Variants in ZNF821 observed in about 807,000 individuals in gnomAD.
ZNF821 encodes the protein zinc finger protein 821.
Under a neutral mutation model 44.3 loss-of-function variants are expected in ZNF821, and 16 were observed. The observed-to-expected ratio is 0.36, with a 90% CI of 0.24 to 0.55. ZNF821 has a LOEUF of 0.55. Ranked by LOEUF, ZNF821 falls within the 20% of genes least tolerant of loss-of-function variation. The pLI is 0.86. For missense variants in ZNF821, 436 were observed against 547.6 expected (o/e 0.80, Z 2.03); for synonymous variants, 204 against 197.6 (o/e 1.03, Z -0.27).
chr16:71,871,619 C>T (rs1409802842), intron 3 of ZNF821, among the ~76,000 whole-genome samples: 4 of 152,022 alleles, frequency 2.6e-5, no homozygotes, highest in African/African-American at 9.7e-5. Flanking sequence ...TTATTATTCC[C>T]TTCTGTCTTG....
At chr16:71,892,555 A>G (rs1057038480) in intron 1 of ZNF821, among the ~76,000 whole-genome samples, 1 of 144,636 alleles carries the variant, frequency 6.9e-6, no homozygotes, top group East Asian at 2.0e-4. Flanking sequence ...GGTGTGAACC[A>G]CCGTGCCCGG....
chr16:71,893,540 A>ACCT (rs2036905378), intron 1 of ZNF821, among the ~76,000 whole-genome samples: 3 of 146,918 alleles, frequency 2.0e-5, no homozygotes, highest in Admixed American at 6.8e-5. Context: ...CATCACTGCA[A>ACCT]CCTCCGCCTC....
chr16:71,865,118 G>C (rs2034384245), intron 4 of ZNF821, 70 bp from the exon 5 acceptor site: 2 of 1,579,270 alleles, frequency 1.3e-6, no homozygotes, highest in Admixed American at 1.7e-5. Context: ...CTCCACCCTA[G>C]AGTTGGCAGT....
At chr16:71,864,319 T>C in intron 5 of ZNF821, 77 bp from the exon 6 acceptor site, 6 of 1,332,218 alleles carry the variant, frequency 4.5e-6, no homozygotes, top group Non-Finnish European at 6.5e-6. Context: ...AAACAGGGTA[T>C]CCTGTTAAAA....
chr16:71,865,563 C>T (rs967339500), intron 4 of ZNF821, among the ~76,000 whole-genome samples: 1 of 152,152 alleles, frequency 6.6e-6, no homozygotes, highest in Non-Finnish European at 1.5e-5. Context: ...TTCCCTCTTA[C>T]CAGCAATGGA....
At chr16:71,870,000 A>T (rs1418982063) in intron 3 of ZNF821, among the ~76,000 whole-genome samples, 1 of 152,188 alleles carries the variant, frequency 6.6e-6, no homozygotes, top group Admixed American at 6.5e-5. Flanking sequence ...AAGCTTCCTC[A>T]GATGGTTTTG....
At chr16:71,895,153 G>C (rs931311143) in exon 1 of ZNF821, 4 of 267,424 alleles carry the variant, frequency 1.5e-5, no homozygotes, top group African/African-American at 9.0e-5. Context: ...AACTCCCGGC[G>C]TCAGAGAGGC....
At chr16:71,888,781 A>C (rs553760253), upstream of ZNF821, among the ~76,000 whole-genome samples, 1 of 152,330 alleles carries the variant, frequency 6.6e-6, no homozygotes, top group East Asian at 1.9e-4. Flanking sequence ...AGTTTTCTAG[A>C]TGATTACAAT....
At chr16:71,894,974 C>A in exon 1 of ZNF821, 2 of 750,000 alleles carry the variant, frequency 2.7e-6, no homozygotes, top group Non-Finnish European at 4.4e-6. Flanking sequence ...CGATGCTGGT[C>A]CAAAGGGCAA....
chr16:71,885,710 C>T (rs2036826023), upstream of ZNF821, among the ~76,000 whole-genome samples: 1 of 152,140 alleles, frequency 6.6e-6, no homozygotes, highest in African/African-American at 2.4e-5. Context: ...CTTGGTCCTT[C>T]ACAATTCTGT....
At chr16:71,874,502 G>A (rs137895005) in intron 3 of ZNF821, among the ~76,000 whole-genome samples, 1 of 152,300 alleles carries the variant, frequency 6.6e-6, no homozygotes, top group Admixed American at 6.5e-5. Context: ...CGTCCAGGCT[G>A]GAGTCCAGTG....
chr16:71,875,787 CAG>C (rs982189263), intron 3 of ZNF821, among the ~76,000 whole-genome samples: 2 of 152,036 alleles, frequency 1.3e-5, no homozygotes, highest in Non-Finnish European at 2.9e-5. Flanking sequence ...TTAGTAGAGA[CAG>C]GGTTTCACCA....
upstream of ZNF821, among the ~76,000 whole-genome samples, chr16:71,888,349 C>T (rs1346988715): frequency 1.3e-5 from 2 of 152,120 alleles, no homozygotes; most frequent in South Asian, 2.1e-4. Flanking sequence ...GAAACTATCA[C>T]CGCCTAGTCA....
chr16:71,864,147 G>A lies in ZNF821; in HGVS notation c.408C>T (p.His136=), dbSNP rs754261597. ...GCTCCCCCATCCATACCTGGTACACGTGAGCAATCAACTGCTCCCGGCTCC... is the reference window on the plus strand; with the variant it reads ...GCTCCCCCATCCATACCTGGTACACATGAGCAATCAACTGCTCCCGGCTCC... ...DCGSREQLIA[H]VYQHTAAVVS... The change falls in exon 6 of 8, where the codon CAC becomes CAT. Residue 136 remains histidine (H), a synonymous_variant. Coordinates refer to ENST00000425432, the MANE Select transcript of ZNF821 (RefSeq NM_001201552.2). 9 of 1,613,942 alleles carry A rather than the reference G, an allele frequency of 5.6e-6. No individual in the cohort carries two copies. The highest frequency in any genetic ancestry group is 1.7e-5 in the Admixed American group (1 of 60,012).
Position 71,859,969 on chromosome 16 carries a change from G to A in ZNF821, c.*49C>T. The A allele has an allele frequency of 6.7e-7, 1 of 1,487,090 alleles. No individual in the cohort carries two copies. Among genetic ancestry groups the A allele is most frequent in the Non-Finnish European group, 8.9e-7 (1 of 1,118,534 alleles). The allele number at this position is 1,487,090 out of a possible 1,614,324, so 92.1% of individuals were successfully genotyped here. On this transcript the variant is annotated 3_prime_UTR_variant, in exon 8 of 8. Transcript: ENST00000425432. ...CACTGGTCCTCGTGGCTGTGGGTGT[G>A]GGTGGGTGGGTAGGTAGGTGGGAAG...
rs1450369595 is a variant in ZNF821 at position 71,864,206 on chromosome 16, G to A, written c.349C>T (p.Leu117Phe). The A allele has an allele frequency of 1.9e-6, 3 of 1,614,232 alleles. No homozygotes were observed. The highest frequency in any genetic ancestry group is 2.2e-5 in the South Asian group (2 of 91,088). The change falls in exon 6 of 8, where the codon CTC becomes TTC. Residue 117 changes from leucine (L) to phenylalanine (F), a missense_variant. This residue lies in a region of ZNF821 where 238 missense variants were observed against 281.4 expected (regional missense o/e 0.85). Coordinates refer to ENST00000425432, the MANE Select transcript of ZNF821 (RefSeq NM_001201552.2). ...GNLNSDPLLE[L>F]CQCPLCQLDC... ...AGCTGGCAGAGGGGACACTGGCAGAGTTCAAGCAAGGGGTCAGAATTCAAA... is the reference window on the plus strand; with the variant it reads ...AGCTGGCAGAGGGGACACTGGCAGAATTCAAGCAAGGGGTCAGAATTCAAA...
At chr16:71,893,281 C>T (rs1251065463) in intron 1 of ZNF821, among the ~76,000 whole-genome samples, 1 of 151,934 alleles carries the variant, frequency 6.6e-6, no homozygotes, top group Non-Finnish European at 1.5e-5. Flanking sequence ...CCCGCCTCGG[C>T]CTCCCAAAGT....
At chr16:71,870,296 A>C (rs1394070095) in intron 3 of ZNF821, among the ~76,000 whole-genome samples, 1 of 152,044 alleles carries the variant, frequency 6.6e-6, no homozygotes, top group African/African-American at 2.4e-5. Context: ...GGAAAGGAAA[A>C]ATAAGCTGTT....
At chr16:71,884,392 C>G (rs1419274769), upstream of ZNF821, among the ~76,000 whole-genome samples, 1 of 152,078 alleles carries the variant, frequency 6.6e-6, no homozygotes. Flanking sequence ...CCCCGCCTCG[C>G]CCATTCCCGG....
Sources: gnomAD v4.1 joint callset for allele counts (sites outside exome capture counted in the v4.1 genomes callset) on GRCh38, gnomAD v4.1.1 for gene constraint, gnomAD v4.1.1 regional missense constraint, MANE v1.5 for transcripts, NCBI Gene and HGNC (gene_info 2026-07-23, HGNC 2026-07-21) for gene names.